The following PCDHA6 variants were observed in gnomAD, a reference collection of about 807,000 sequenced individuals.
PCDHA6 encodes protocadherin alpha 6.
A neutral mutation model predicts 60.3 loss-of-function variants in PCDHA6; 55 were observed. The ratio of observed to expected loss-of-function variants is 0.91; its 90% CI spans 0.73 to 1.14. PCDHA6 has a LOEUF of 1.14. Among genes scored for constraint, PCDHA6 ranks in the 50% most tolerant of loss-of-function variants. PCDHA6 has a pLI of 0.00. For missense variants in PCDHA6, 1,327 were observed against 1,256.5 expected (o/e 1.06, Z -0.85); for synonymous variants, 652 against 557.9 (o/e 1.17, Z -2.38).
chr5:140,877,155 C>A, intron 1 of PCDHA6: 1 of 1,613,798 alleles, frequency 6.2e-7, no homozygotes, highest in Non-Finnish European at 8.5e-7. Context: ...AGAACGACAA[C>A]GCGCCGGCAC....
intron 1 of PCDHA6, chr5:140,968,527 G>T: frequency 3.1e-6 from 5 of 1,614,142 alleles, no homozygotes; most frequent in Non-Finnish European, 4.2e-6. Flanking sequence ...CAACCAACTC[G>T]TCAGCAGCCT....
chr5:140,884,703 A>T, intron 1 of PCDHA6: 3 of 1,495,534 alleles, frequency 2.0e-6, no homozygotes, highest in Non-Finnish European at 2.7e-6. Flanking sequence ...TAAACACTTT[A>T]GCCTTCCTTG....
chr5:140,847,369 A>G (rs1780982240), intron 1 of PCDHA6: 1 of 149,774 alleles, frequency 6.7e-6, no homozygotes. Context: ...ATACGAAATA[A>G]AAGATAAATA....
In PCDHA6 at chr5:140,894,992, T is replaced by C. The variant is rs78280553; in HGVS notation, c.2394+64507T>C. Among the ~76,000 whole-genome samples, 440 of 152,300 alleles carry C rather than the reference T, an allele frequency of 2.9e-3. 1 individual carries two copies. The highest frequency in any genetic ancestry group is 0.01 in the African/African-American group (421 of 41,556). On this transcript the variant is annotated intron_variant, in intron 1 of 3. Transcript: ENST00000529310. ...TAATGTCTTACTTTGTGACATCCTT[T>C]ACCCTTTTTACTTGGACCTTTTTCC...
intron 1 of PCDHA6, among the ~76,000 whole-genome samples, chr5:140,902,916 A>G (rs940228069): frequency 2.0e-5 from 3 of 152,174 alleles, no homozygotes; most frequent in African/African-American, 4.8e-5. Context: ...GCTGAGTAGT[A>G]TTGCATGGTG....
At chr5:140,835,436 T>A in intron 1 of PCDHA6, 1 of 1,613,890 alleles carries the variant, frequency 6.2e-7, no homozygotes, top group Non-Finnish European at 8.5e-7. Context: ...CACAGTTGAC[T>A]CTCACTTCCC....
At chr5:140,857,085 C>T in intron 1 of PCDHA6, 2 of 1,596,752 alleles carry the variant, frequency 1.3e-6, no homozygotes, top group Non-Finnish European at 8.6e-7. Context: ...AATGATAATT[C>T]ACCTGAGGTG....
intron 1 of PCDHA6, among the ~76,000 whole-genome samples, chr5:140,837,876 G>A (rs1434787850): frequency 2.6e-5 from 4 of 151,526 alleles, no homozygotes; most frequent in African/African-American, 9.7e-5. Flanking sequence ...ACAGGGTGGA[G>A]TCTTGTTTCC....
chr5:140,855,687 GA>G (rs1455055346), intron 1 of PCDHA6, among the ~76,000 whole-genome samples: 4 of 149,608 alleles, frequency 2.7e-5, no homozygotes, highest in Admixed American at 2.0e-4. Context: ...CTACATTTAA[GA>G]AAACATTGCA....
chr5:140,986,247 G>A (rs758689038), intron 3 of PCDHA6, among the ~76,000 whole-genome samples: 1 of 152,012 alleles, frequency 6.6e-6, no homozygotes, highest in Non-Finnish European at 1.5e-5. Context: ...GAGCAGACCC[G>A]GACCACAGGC....
In PCDHA6 at chr5:140,843,229, C is replaced by T. The variant is rs2150355539; in HGVS notation, c.2394+12744C>T. ...CGGGCGAGATCAGCACCACTCGTGT[C>T]CTGGACGAAGCGGACTCTCCGCGCC... is the stretch of plus-strand genomic sequence containing the variant. On this transcript the variant is annotated intron_variant, in intron 1 of 3. Transcript: ENST00000529310. The T allele has an allele frequency of 3.8e-6, 6 of 1,596,144 alleles. 1 individual carries two copies. Among genetic ancestry groups the T allele is most frequent in the East Asian group, 4.5e-5 (2 of 44,818 alleles).
At chr5:140,876,251 G>T in intron 1 of PCDHA6, 1 of 1,614,008 alleles carries the variant, frequency 6.2e-7, no homozygotes, top group South Asian at 1.1e-5. Context: ...AACGACACAA[G>T]AGTGATCCAA....
Position 140,843,376 on chromosome 5 carries a change from C to A in PCDHA6, c.2394+12891C>A, listed in dbSNP as rs1554140003. The stretch of plus-strand genomic sequence containing the variant: ...AAGCGTCATCGAGGCAGTCGGCTGG[C>A]GTTTTGGGTCCGGAAGCGGCGCTGG... On this transcript the variant is annotated intron_variant, in intron 1 of 3. Transcript: ENST00000529310. The A allele has an allele frequency of 5.0e-6, 8 of 1,595,956 alleles. 1 individual carries two copies. Among genetic ancestry groups the A allele is most frequent in the Middle Eastern group, 3.3e-4 (2 of 6,012 alleles).
intron 1 of PCDHA6, among the ~76,000 whole-genome samples, chr5:140,956,551 C>G (rs995941205): frequency 1.3e-5 from 2 of 152,148 alleles, no homozygotes; most frequent in Non-Finnish European, 2.9e-5. Flanking sequence ...ATTTGGTTTG[C>G]CAGTATCTTA....
chr5:140,900,780 C>T (rs1554189418), intron 1 of PCDHA6, among the ~76,000 whole-genome samples: 1 of 152,192 alleles, frequency 6.6e-6, no homozygotes, highest in Admixed American at 6.5e-5. Flanking sequence ...TTTGAGGAAA[C>T]TCCAAACTGT....
At chr5:140,927,564 G>T (rs868927450) in intron 1 of PCDHA6, 1 of 1,614,150 alleles carries the variant, frequency 6.2e-7, no homozygotes. Context: ...TCATTGTGGT[G>T]GACACAAATG....
At chr5:140,924,901 A>AATAAAATAAAAT (rs145282866) in intron 1 of PCDHA6, among the ~76,000 whole-genome samples, 7 of 80,504 alleles carry the variant, frequency 8.7e-5, no homozygotes, top group Middle Eastern at 6.1e-3. Context: ...TCTCAAAAAA[A>AATAAAATAAAAT]AAAATAAAAT....
intron 1 of PCDHA6, among the ~76,000 whole-genome samples, chr5:140,839,583 T>A (rs1285207405): frequency 6.6e-6 from 1 of 151,916 alleles, no homozygotes; most frequent in Non-Finnish European, 1.5e-5. Context: ...AGAGATGGGG[T>A]CTTACCATGT....
intron 1 of PCDHA6, chr5:140,884,495 A>T: frequency 6.2e-7 from 1 of 1,614,034 alleles, no homozygotes; most frequent in Non-Finnish European, 8.5e-7. Flanking sequence ...AGTGTGCTCC[A>T]GCGCGGCAGG....
Sources: gnomAD v4.1 joint callset for allele counts (sites outside exome capture counted in the v4.1 genomes callset) on GRCh38, gnomAD v4.1.1 for gene constraint, MANE v1.5 for transcripts, NCBI Gene and HGNC (gene_info 2026-07-23, HGNC 2026-07-21) for gene names.